The following EIF3B variants were observed in gnomAD, a reference collection of about 807,000 sequenced individuals.
The protein encoded by EIF3B is eukaryotic translation initiation factor 3 subunit B.
Under a neutral mutation model 104.6 loss-of-function variants are expected in EIF3B, and 10 were observed. That is an observed-to-expected ratio of 0.10 (90% confidence interval 0.06 to 0.16). The LOEUF is 0.16. Ranked by LOEUF, EIF3B falls within the 10% of genes least tolerant of loss-of-function variation. EIF3B has a pLI of 1.00. For missense variants in EIF3B, 1,014 were observed against 1,087.9 expected (o/e 0.93, Z 0.96); for synonymous variants, 542 against 417.2 (o/e 1.30, Z -3.65).
chr7:2,357,229 A>G (rs999967764), intron 1 of EIF3B, among the ~76,000 whole-genome samples: 2 of 152,168 alleles, frequency 1.3e-5, no homozygotes, highest in Admixed American at 6.6e-5. Context: ...TAATATGACG[A>G]CAGGGTTGGC....
intron 5 of EIF3B, 144 bp downstream of exon 5, chr7:2,363,904 A>G: frequency 1.0e-6 from 1 of 966,360 alleles, no homozygotes; most frequent in Non-Finnish European, 1.5e-6. Context: ...AACTTCTTTT[A>G]TTCCTCTTCC....
At chr7:2,370,447 C>T (rs1583170640) in intron 10 of EIF3B, among the ~76,000 whole-genome samples, 1 of 152,030 alleles carries the variant, frequency 6.6e-6, no homozygotes, top group Non-Finnish European at 1.5e-5. Context: ...CGCCACTGCA[C>T]CCCAGCCTGG....
chr7:2,360,935 G>C, intron 2 of EIF3B, 33 bp downstream of exon 2: 1 of 1,546,982 alleles, frequency 6.5e-7, no homozygotes, highest in Non-Finnish European at 8.9e-7. Context: ...AGTATCATCT[G>C]TGTCTGGCAC....
In EIF3B at chr7:2,355,102, G is replaced by A. The variant is rs1355762829; in HGVS notation, c.181G>A (p.Gly61Arg). 7.4e-7 allele frequency: 1 copy of A among 1,351,460 alleles called. No homozygotes were observed. The highest frequency in any genetic ancestry group is 9.5e-7 in the Non-Finnish European group (1 of 1,057,196). 83.7% of individuals were successfully genotyped at this position (1,351,460 alleles called of 1,614,324 possible). ...SSEEVGIAEA[G>R]PESEVRTEPA... ...TGAGGAGGTGGGGATCGCGGAGGCC[G>A]GGCCGGAGTCCGAGGTGAGGACCGA... The change falls in exon 1 of 19, where the codon GGG (glycine) becomes AGG (arginine). Residue 61 changes from glycine (G) to arginine (R), a missense_variant. Physicochemically the swap from Gly to Arg is moderately radical, Grantham distance 125. Transcript: ENST00000360876.
intron 1 of EIF3B, 52 bp from the exon 2 acceptor site, chr7:2,360,658 A>G (rs1779678686): frequency 6.9e-7 from 1 of 1,441,820 alleles, no homozygotes; most frequent in Non-Finnish European, 9.5e-7. Context: ...CAGTTAATGT[A>G]TTAATGTTTT....
chr7:2,369,397 GTTCTA>G, intron 9 of EIF3B, 70 bp from the exon 10 acceptor site: 1 of 1,481,794 alleles, frequency 6.7e-7, no homozygotes, highest in Non-Finnish European at 9.4e-7. Context: ...CAAATGAGTT[GTTCTA>G]TTCTCTTCTG....
intron 6 of EIF3B, among the ~76,000 whole-genome samples, 171 bp downstream of exon 6, chr7:2,364,700 A>G (rs930240137): frequency 7.2e-5 from 11 of 152,228 alleles, no homozygotes; most frequent in African/African-American, 2.4e-4. Context: ...CATTTACGTC[A>G]TCATCTCCTA....
At chr7:2,368,366 G>A (rs1456290454) in intron 9 of EIF3B, among the ~76,000 whole-genome samples, 3 of 151,726 alleles carry the variant, frequency 2.0e-5, no homozygotes, top group Non-Finnish European at 2.9e-5. Context: ...GGCTGGTCTC[G>A]AACTCCTGAC....
chr7:2,371,418 T>A (rs986472194), intron 10 of EIF3B, among the ~76,000 whole-genome samples: 3 of 152,212 alleles, frequency 2.0e-5, no homozygotes, highest in African/African-American at 7.2e-5. Context: ...TCTGAAGTGG[T>A]TTACCCAGCC....
intron 14 of EIF3B, 76 bp downstream of exon 14, chr7:2,375,603 T>C: frequency 6.3e-7 from 1 of 1,595,900 alleles, no homozygotes; most frequent in Non-Finnish European, 8.6e-7. Flanking sequence ...TCTGGTGCTG[T>C]CCTGGGACCT....
intron 10 of EIF3B, 99 bp from the exon 11 acceptor site, chr7:2,371,678 C>A: frequency 1.1e-6 from 1 of 935,478 alleles, no homozygotes; most frequent in Non-Finnish European, 1.7e-6. Context: ...ACCAGGCATG[C>A]ACACTGAATC....
intron 18 of EIF3B, chr7:2,379,969 C>A: frequency 8.0e-6 from 2 of 248,630 alleles, no homozygotes; most frequent in Non-Finnish European, 8.0e-6. Flanking sequence ...GGCCTCCGCG[C>A]CTCACAGCAT....
At chr7:2,378,489 G>T (rs1780808544) in intron 15 of EIF3B, 200 bp from the exon 16 acceptor site, 1 of 259,812 alleles carries the variant, frequency 3.8e-6, no homozygotes, top group Non-Finnish European at 7.5e-6. Flanking sequence ...CATGGAGGAA[G>T]GAGCAGGCGC....
Position 2,363,706 on chromosome 7 carries a change from C to T in EIF3B, c.945C>T (p.Arg315=). ...GTGTGATTTTTGAGAGTGGAGACCG[C>T]ACTTCCATATTCTGGAATGACGTAA... ...QYSVIFESGD[R]TSIFWNDVKD... is the part of the protein sequence containing the mutation. Residue 315 remains arginine, a synonymous_variant, in exon 5 of 19, where the codon CGC becomes CGT. Transcript: ENST00000360876. 6.2e-7 allele frequency: 1 copy of T among 1,614,124 alleles called. No individual in the cohort carries two copies. Among genetic ancestry groups the T allele is most frequent in the Non-Finnish European group, 8.5e-7 (1 of 1,180,010 alleles).
intron 10 of EIF3B, among the ~76,000 whole-genome samples, chr7:2,371,260 G>A (rs1052680164): frequency 3.3e-5 from 5 of 152,308 alleles, no homozygotes; most frequent in Admixed American, 2.6e-4. Context: ...GCTGGTCCAC[G>A]GTGCTGAGTG....
chr7:2,379,653 C>T, intron 18 of EIF3B, 142 bp downstream of exon 18: 1 of 641,972 alleles, frequency 1.6e-6, no homozygotes, highest in Non-Finnish European at 2.7e-6. Flanking sequence ...TTAGCTGAGC[C>T]TCGTGTGAAA....
intron 10 of EIF3B, among the ~76,000 whole-genome samples, chr7:2,370,715 G>C (rs1583171075): frequency 6.6e-6 from 1 of 152,092 alleles, no homozygotes; most frequent in East Asian, 1.9e-4. Flanking sequence ...AGGATAGCTT[G>C]AGGCTAGGAG....
chr7:2,356,869 A>G (rs1428945167), intron 1 of EIF3B, among the ~76,000 whole-genome samples: 2 of 151,980 alleles, frequency 1.3e-5, no homozygotes, highest in Non-Finnish European at 2.9e-5. Flanking sequence ...TTTTTCATAA[A>G]AGACATTTTA....
rs776665282 is a variant in EIF3B at position 2,380,216 on chromosome 7, G to A, written c.*27G>A. ...CCTGTCTATCCAGGGGACGGACTCC[G>A]CCTGCTGTTCCCGCGCTGAGCTACA... On this transcript the variant is annotated 3_prime_UTR_variant, in exon 19 of 19. Coordinates refer to ENST00000360876, the MANE Select transcript of EIF3B (RefSeq NM_001037283.2). 2.3e-5 allele frequency: 9 copies of A among 390,604 alleles called. No individual in the cohort carries two copies. The highest frequency in any genetic ancestry group is 1.5e-4 in the East Asian group (2 of 13,266). The allele number at this position is 390,604 out of a possible 1,614,324, so 24.2% of individuals were successfully genotyped here. A position where few individuals can be genotyped will look rare whatever the true frequency, so the allele number is the denominator to read the frequency against.
Sources: gnomAD v4.1 joint callset for allele counts (sites outside exome capture counted in the v4.1 genomes callset) on GRCh38, gnomAD v4.1.1 for gene constraint, MANE v1.5 for transcripts, NCBI Gene and HGNC (gene_info 2026-07-23, HGNC 2026-07-21) for gene names.